The following TERB1 variants were observed in gnomAD, a reference collection of about 807,000 sequenced individuals.
The protein encoded by TERB1 is telomere repeats-binding bouquet formation protein 1.
Under a neutral mutation model 92.3 loss-of-function variants are expected in TERB1, and 63 were observed. The ratio of observed to expected loss-of-function variants is 0.68; its 90% CI spans 0.56 to 0.84. The LOEUF (loss-of-function observed/expected upper bound fraction) is 0.84. Ranked by LOEUF, TERB1 falls within the 40% of genes least tolerant of loss-of-function variation. TERB1 has a pLI of 0.00. For synonymous variants in TERB1, 252 were observed against 283.9 expected (o/e 0.89, Z 1.13); for missense variants, 709 against 843.7 (o/e 0.84, Z 1.98).
chr16:66,796,791 C>T lies in TERB1; in HGVS notation c.8G>A (p.Ser3Asn). 6.5e-7 allele frequency: 1 copy of T among 1,533,706 alleles called. No homozygotes were observed. The highest frequency in any genetic ancestry group is 8.8e-7 in the Non-Finnish European group (1 of 1,131,184). ...ACCTTGTGTTTTCTTTGTGTCTTCA[C>T]TTTCCATGCTTGTCTATATTCTTTT... The part of the protein sequence containing the change: ME[S>N]EDTKKTQEMK... The change falls in exon 3 of 19, where the codon AGT becomes AAT. Residue 3 changes from serine (S) to asparagine (N), a missense_variant. Transcript: ENST00000433154.
rs1338924292 is a variant in TERB1, at chr16:66,760,456, C to CAA, written c.1781-1168_1781-1167dup. On this transcript the variant is annotated intron_variant, in intron 16 of 18. Coordinates refer to ENST00000433154, the MANE Select transcript of TERB1 (RefSeq NM_001136505.2). ...TGGGTGACAGAGCGAGACTCCATCT[C>CAA]AAAAAAAAAAAAAAGAAAAGAAAAG... 3.1e-4 allele frequency among the ~76,000 whole-genome samples: 12 copies of CAA among 38,334 alleles called. 1 individual carries two copies. The highest frequency in any genetic ancestry group is 6.9e-4 in the Admixed American group (2 of 2,886). 25.1% of individuals were successfully genotyped at this position (38,334 alleles called of 152,430 possible).
Position 66,770,175 on chromosome 16 carries a change from A to G in TERB1, c.1407T>C (p.Ser469=). 1.3e-6 allele frequency: 2 copies of G among 1,552,378 alleles called. No homozygotes were observed. Among genetic ancestry groups the G allele is most frequent in the Non-Finnish European group, 1.7e-6 (2 of 1,147,146 alleles). Residue 469 remains serine, a synonymous_variant, in exon 14 of 19, where the codon TCT becomes TCC. Transcript: ENST00000433154. ...SKAEDEDKSH[S]RQLQSYKSHG... is the part of the protein sequence containing the mutation. ...GGGACTTATAACTCTGTAACTGTCT[A>G]GAATGGCTTTTATCCTCATCTTCTG... is the stretch of plus-strand genomic sequence containing the variant.
At chr16:66,762,310 G>A (rs573565342) in intron 16 of TERB1, among the ~76,000 whole-genome samples, 16 of 152,252 alleles carry the variant, frequency 1.1e-4, no homozygotes, top group African/African-American at 3.6e-4. Flanking sequence ...TATGACACCT[G>A]GAATTTACAT....
intron 4 of TERB1, 37 bp from the exon 5 acceptor site, chr16:66,790,760 A>G (rs1028970803): frequency 1.3e-6 from 2 of 1,541,284 alleles, no homozygotes; most frequent in Non-Finnish European, 1.8e-6. Context: ...AATAGAAATG[A>G]TATTTATTTT....
At chr16:66,797,284 G>A (rs1004428094) in intron 2 of TERB1, among the ~76,000 whole-genome samples, 1 of 146,762 alleles carries the variant, frequency 6.8e-6, no homozygotes, top group African/African-American at 2.5e-5. Flanking sequence ...CACCCAGGCT[G>A]GAGCGCAGTG....
Position 66,759,140 on chromosome 16 carries a change from C to G in TERB1, c.1930+1G>C. Reference sequence around the variant, plus strand: ...AATTTTAAAGCTGCTGAATTAATTACTTTTGTTACAGATAAGTGATTTCCT... The same window carrying G: ...AATTTTAAAGCTGCTGAATTAATTAGTTTTGTTACAGATAAGTGATTTCCT... On this transcript the variant is annotated splice_donor_variant, in intron 17 of 18. Coordinates refer to ENST00000433154, the MANE Select transcript of TERB1 (RefSeq NM_001136505.2). LOFTEE classifies it high-confidence loss of function. 1.3e-6 allele frequency: 2 copies of G among 1,536,696 alleles called. No homozygotes were observed. The highest frequency in any genetic ancestry group is 1.8e-6 in the Non-Finnish European group (2 of 1,142,224).
chr16:66,790,271 AG>A (rs2018807729), intron 5 of TERB1, among the ~76,000 whole-genome samples: 2 of 121,428 alleles, frequency 1.6e-5, no homozygotes, highest in African/African-American at 3.0e-5. Flanking sequence ...GAAAAAGGGG[AG>A]GGGGGCAAAG....
intron 2 of TERB1, among the ~76,000 whole-genome samples, 194 bp downstream of exon 2, chr16:66,800,783 C>T (rs1959256617): frequency 6.6e-6 from 1 of 152,168 alleles, no homozygotes; most frequent in Non-Finnish European, 1.5e-5. Context: ...AACAGTCATT[C>T]AGGTCCCAGA....
intron 16 of TERB1, among the ~76,000 whole-genome samples, chr16:66,761,948 G>C (rs2018257888): frequency 6.6e-6 from 1 of 152,188 alleles, no homozygotes; most frequent in Non-Finnish European, 1.5e-5. Context: ...AGCTACTCGG[G>C]AGGCTGCGGC....
intron 10 of TERB1, among the ~76,000 whole-genome samples, chr16:66,778,552 G>T (rs1401824954): frequency 6.6e-6 from 1 of 152,088 alleles, no homozygotes; most frequent in South Asian, 2.1e-4. Context: ...TGAGTAGCTG[G>T]AATTACAGGC....
In TERB1 at chr16:66,772,794, A is replaced by G. The variant is rs760099518; in HGVS notation, c.1112-45T>C. On this transcript the variant is annotated intron_variant, in intron 12 of 18. Transcript: ENST00000433154. ...ACAATGAATGAAAAGTTATTTAAAC[A>G]CTTTATATATAAGGACAACTTCACA... 2.1e-6 allele frequency: 3 copies of G among 1,429,030 alleles called. No individual in the cohort carries two copies. In the African/African-American group the frequency reaches 4.3e-5, roughly 21 times the overall value. The allele number at this position is 1,429,030 out of a possible 1,614,324, so 88.5% of individuals were successfully genotyped here.
At position 66,790,913 on chromosome 16, in the gene TERB1, T is replaced by C. The variant is rs199674769; in HGVS notation, c.138A>G (p.Gln46=). 1.3e-6 allele frequency: 2 copies of C among 1,542,220 alleles called. No individual in the cohort carries two copies. Among genetic ancestry groups the C allele is most frequent in the Non-Finnish European group, 1.8e-6 (2 of 1,139,914 alleles). Residue 46 remains glutamine, a synonymous_variant, in exon 4 of 19, where the codon CAA becomes CAG. Coordinates refer to ENST00000433154, the MANE Select transcript of TERB1 (RefSeq NM_001136505.2). The part of the protein sequence containing the change: ...ALVTIHSICQ[Q]NSNASVYFRE... ...AAATTCACTATTATATCTTACTGTT[T>C]TGTTGACAAATTGAATGAATAGTGA... is the stretch of plus-strand genomic sequence containing the variant.
intron 9 of TERB1, among the ~76,000 whole-genome samples, chr16:66,783,969 G>A (rs1477316050): frequency 6.6e-6 from 1 of 152,126 alleles, no homozygotes; most frequent in East Asian, 1.9e-4. Flanking sequence ...ATTTCTTCTT[G>A]GGTGAGCTTT....
chr16:66,791,212 A>ATCTTATAG (rs2018829708), intron 3 of TERB1, among the ~76,000 whole-genome samples, 193 bp from the exon 4 acceptor site: 1 of 152,126 alleles, frequency 6.6e-6, no homozygotes, highest in Non-Finnish European at 1.5e-5. Flanking sequence ...TAAAATGAAC[A>ATCTTATAG]TCTTATAGTT....
intron 9 of TERB1, among the ~76,000 whole-genome samples, chr16:66,784,305 G>A (rs1219972425): frequency 2.0e-5 from 3 of 151,100 alleles, no homozygotes; most frequent in African/African-American, 7.3e-5. Context: ...AATTTCTTAG[G>A]TAGAAGCTAA....
At position 66,772,728 on chromosome 16, in the gene TERB1, A is replaced by G. The variant is rs1376011170; in HGVS notation, c.1133T>C (p.Leu378Pro). Residue 378 changes from leucine (L) to proline (P), a missense_variant, in exon 13 of 19, where the codon CTA becomes CCA. By Grantham distance (98) the Leu-to-Pro change is moderately conservative. Coordinates refer to ENST00000433154, the MANE Select transcript of TERB1 (RefSeq NM_001136505.2). ...ATTTTCATCAAAAGGATATTCTCCT[A>G]GACTTAGAGATAATTTCTCAGCTTT... The part of the protein sequence containing the change: ...KKITEKLSLS[L>P]GEYPFDENET... 2 of 1,542,950 alleles carry G rather than the reference A, an allele frequency of 1.3e-6. No homozygotes were observed. The highest frequency in any genetic ancestry group is 1.7e-6 in the Non-Finnish European group (2 of 1,143,730).
chr16:66,757,764 C>A (rs1019249559), intron 18 of TERB1, among the ~76,000 whole-genome samples: 1 of 152,072 alleles, frequency 6.6e-6, no homozygotes, highest in African/African-American at 2.4e-5. Context: ...TATATCCAAC[C>A]TATTTTAGTC....
intron 3 of TERB1, among the ~76,000 whole-genome samples, chr16:66,795,806 CT>C (rs2018920773): frequency 6.6e-6 from 1 of 152,214 alleles, no homozygotes; most frequent in African/African-American, 2.4e-5. Flanking sequence ...GTCATCAACG[CT>C]TAAGTGCAGT....
chr16:66,775,115 T>C lies in TERB1; in HGVS notation c.1111+3A>G. The C allele has an allele frequency of 6.4e-7, 1 of 1,551,372 alleles. No homozygotes were observed. The highest frequency in any genetic ancestry group is 8.7e-7 in the Non-Finnish European group (1 of 1,146,870). ...TATGTTCTTAAAGTAATAGTACACT[T>C]ACTAATTTTTTTGCAGTTGTGAAGC... On this transcript the variant is annotated splice_donor_region_variant and intron_variant, in intron 12 of 18. Coordinates refer to ENST00000433154, the MANE Select transcript of TERB1 (RefSeq NM_001136505.2).
Sources: gnomAD v4.1 joint callset for allele counts (sites outside exome capture counted in the v4.1 genomes callset) on GRCh38, gnomAD v4.1.1 for gene constraint, MANE v1.5 for transcripts, NCBI Gene and HGNC (gene_info 2026-07-23, HGNC 2026-07-21) for gene names.